The following ZNF248 variants were observed in gnomAD, a reference collection of about 807,000 sequenced individuals.
ZNF248 encodes the protein zinc finger protein 248.
Under a neutral mutation model 44.3 loss-of-function variants are expected in ZNF248, and 20 were observed. The observed-to-expected ratio is 0.45, with a 90% confidence interval of 0.32 to 0.66. ZNF248 has a LOEUF of 0.66. ZNF248 is among the 30% of genes least tolerant of loss of function. ZNF248 has a pLI of 0.04. For synonymous variants in ZNF248, 224 were observed against 229.0 expected (o/e 0.98, Z 0.20); for missense variants, 654 against 677.0 (o/e 0.97, Z 0.38).
At chr10:37,840,225 C>CATTT (rs2058087773) in intron 3 of ZNF248, among the ~76,000 whole-genome samples, 1 of 152,024 alleles carries the variant, frequency 6.6e-6, no homozygotes, top group African/African-American at 2.4e-5. Context: ...AAAGATGCTT[C>CATTT]TACAAAAATG....
At chr10:37,796,140 T>C (rs1037139768) in intron 6 of ZNF248, 27 of 152,126 alleles carry the variant, frequency 1.8e-4, no homozygotes, top group African/African-American at 6.3e-4. Context: ...TGGGAAATAA[T>C]ATTTTGTAAT....
At position 37,788,005 on chromosome 10, in the gene ZNF248, A is replaced by AGGC. The variant is rs1185076255; in HGVS notation, c.331-11431_331-11430insGCC. 3.3e-5 allele frequency among the ~76,000 whole-genome samples: 5 copies of AGGC among 152,286 alleles called. No individual in the cohort carries two copies. The East Asian group carries it at 9.7e-4, about 29-fold the overall frequency. ...ACAACTTGGCCAGGCATGGTGGCTC[A>AGGC]AGTCTGTAATCCCAGCACTTTGGGA... On this transcript the variant is annotated intron_variant, in intron 6 of 6. Transcript: ENST00000615949.
intron 6 of ZNF248, among the ~76,000 whole-genome samples, chr10:37,807,231 C>T (rs886777046): frequency 2.4e-4 from 36 of 152,194 alleles, no homozygotes; most frequent in African/African-American, 8.2e-4. Flanking sequence ...TTTTGAGGGC[C>T]TCTTGGCTTT....
downstream of ZNF248, among the ~76,000 whole-genome samples, chr10:37,826,482 T>G (rs1356030193): frequency 1.3e-5 from 2 of 152,226 alleles, no homozygotes; most frequent in African/African-American, 4.8e-5. Flanking sequence ...ATCTGACTGT[T>G]CTTCTAAAGT....
chr10:37,821,704 C>T (rs1202074139), intron 6 of ZNF248, among the ~76,000 whole-genome samples: 2 of 152,204 alleles, frequency 1.3e-5, no homozygotes, highest in Non-Finnish European at 2.9e-5. Flanking sequence ...AACCCTGACC[C>T]TGGAGCACAG....
chr10:37,791,007 GTCTATGTTTTTGTTTCTCTT>G (rs2048467456), intron 6 of ZNF248, among the ~76,000 whole-genome samples: 1 of 135,498 alleles, frequency 7.4e-6, no homozygotes, highest in African/African-American at 2.7e-5. Context: ...CTGAAAAATG[GTCTATGTTTTTGTTTCTCTT>G]ATACTTTGTT....
At chr10:37,852,633 C>CT (rs1249577200) in intron 3 of ZNF248, among the ~76,000 whole-genome samples, 1 of 150,482 alleles carries the variant, frequency 6.6e-6, no homozygotes, top group Non-Finnish European at 1.5e-5. Flanking sequence ...GACCCTATCT[C>CT]TCTCTATATA....
chr10:37,824,524 G>C (rs367726510), downstream of ZNF248, among the ~76,000 whole-genome samples: 1 of 151,974 alleles, frequency 6.6e-6, no homozygotes, highest in Non-Finnish European at 1.5e-5. Flanking sequence ...AGATCACATG[G>C]TACGTGTAAA....
chr10:37,788,754 T>C (rs1036312051), intron 6 of ZNF248, among the ~76,000 whole-genome samples: 1 of 152,072 alleles, frequency 6.6e-6, no homozygotes, highest in Non-Finnish European at 1.5e-5. Flanking sequence ...CAATAACAAA[T>C]GATGTTGAGG....
chr10:37,841,771 T>C (rs955700289), intron 3 of ZNF248, among the ~76,000 whole-genome samples: 6 of 152,194 alleles, frequency 3.9e-5, no homozygotes, highest in African/African-American at 1.4e-4. Context: ...AGGATGTGAC[T>C]GAATGACACT....
At chr10:37,770,055 C>A in the ZNF248 span, among the ~76,000 whole-genome samples, 24 of 152,248 alleles carry the variant, frequency 1.6e-4, no homozygotes, top group East Asian at 4.6e-3. Context: ...ACCTAGAAAT[C>A]CAACTTACAA....
the ZNF248 span, among the ~76,000 whole-genome samples, chr10:37,763,636 T>TA: frequency 1.3e-5 from 2 of 152,212 alleles, no homozygotes; most frequent in Non-Finnish European, 2.9e-5. Flanking sequence ...ATTTTAATGT[T>TA]TGAGTTTGAT....
intron 3 of ZNF248, among the ~76,000 whole-genome samples, chr10:37,838,350 G>C (rs901635226): frequency 4.6e-5 from 7 of 152,168 alleles, no homozygotes; most frequent in African/African-American, 1.7e-4. Flanking sequence ...CCTGTTCCTA[G>C]AGTGCTTATG....
the ZNF248 span, among the ~76,000 whole-genome samples, chr10:37,767,688 C>A: frequency 3.3e-5 from 5 of 151,978 alleles, no homozygotes; most frequent in African/African-American, 1.2e-4. Context: ...ATGTAAAGAC[C>A]AATCAAGGCT....
the ZNF248 span, among the ~76,000 whole-genome samples, chr10:37,767,732 A>G: frequency 6.6e-6 from 1 of 152,208 alleles, no homozygotes; most frequent in African/African-American, 2.4e-5. Context: ...GAGCAAAATA[A>G]CCAGCTAACA....
chr10:37,844,859 T>C (rs2059002912), intron 3 of ZNF248, among the ~76,000 whole-genome samples: 1 of 152,152 alleles, frequency 6.6e-6, no homozygotes, highest in South Asian at 2.1e-4. Flanking sequence ...AAGTGAGTCC[T>C]TCCTTCTTAG....
intron 3 of ZNF248, among the ~76,000 whole-genome samples, chr10:37,843,828 T>G (rs903862530): frequency 6.6e-6 from 1 of 151,942 alleles, no homozygotes; most frequent in Non-Finnish European, 1.5e-5. Context: ...GAATCATGAA[T>G]TGGAGAATAT....
intron 3 of ZNF248, among the ~76,000 whole-genome samples, chr10:37,854,017 CAAAACAA>C (rs1391412952): frequency 1.6e-3 from 247 of 152,200 alleles, no homozygotes; most frequent in East Asian, 0.014. Context: ...AAGAAAGCAT[CAAAACAA>C]CAGCACACAT....
At chr10:37,764,571 G>T in the ZNF248 span, among the ~76,000 whole-genome samples, 1 of 152,056 alleles carries the variant, frequency 6.6e-6, no homozygotes, top group Non-Finnish European at 1.5e-5. Context: ...TGGCCTGGGG[G>T]CATCACAGAA....
Sources: gnomAD v4.1 joint callset for allele counts (sites outside exome capture counted in the v4.1 genomes callset) on GRCh38, gnomAD v4.1.1 for gene constraint, MANE v1.5 for transcripts, NCBI Gene and HGNC (gene_info 2026-07-23, HGNC 2026-07-21) for gene names.